BBS9: variants seen among roughly 807,000 people sequenced by gnomAD.
BBS9 encodes Bardet-Biedl syndrome 9, also known as protein PTHB1.
A neutral mutation model predicts 117.7 loss-of-function variants in BBS9; 89 were observed. The ratio of observed to expected loss-of-function variants is 0.76; its 90% confidence interval spans 0.64 to 0.90. The LOEUF (loss-of-function observed/expected upper bound fraction) is 0.90, where lower values mean the gene tolerates loss of function less well. Ranked by LOEUF, BBS9 falls within the 40% of genes least tolerant of loss-of-function variation. The pLI, the probability that BBS9 is intolerant of heterozygous loss-of-function variation, is 0.00. For synonymous variants in BBS9, 379 were observed against 370.9 expected (o/e 1.02, Z -0.25); for missense variants, 982 against 1,042.2 (o/e 0.94, Z 0.80).
At chr7:33,393,605 A>G (rs1443178508) in intron 19 of BBS9, among the ~76,000 whole-genome samples, 2 of 152,166 alleles carry the variant, frequency 1.3e-5, no homozygotes, top group African/African-American at 4.8e-5. Flanking sequence ...GAACAGCCTT[A>G]TTACCCCTAC....
chr7:33,395,229 A>C (rs536900158), intron 19 of BBS9, among the ~76,000 whole-genome samples: 68 of 152,290 alleles, frequency 4.5e-4, no homozygotes, highest in Middle Eastern at 6.8e-3. Context: ...GTATCAGAGG[A>C]CTTTTTTTGG....
chr7:33,381,091 T>C (rs1050019488), intron 17 of BBS9, among the ~76,000 whole-genome samples: 1 of 152,196 alleles, frequency 6.6e-6, no homozygotes, highest in African/African-American at 2.4e-5. Context: ...AATGGCAGTT[T>C]TTCCTGAGGC....
chr7:33,579,236 C>G (rs1483017799), intron 21 of BBS9, among the ~76,000 whole-genome samples: 2 of 152,162 alleles, frequency 1.3e-5, no homozygotes, highest in African/African-American at 4.8e-5. Flanking sequence ...AAAAGACAAA[C>G]CACTTCATCC....
At chr7:33,483,638 A>AT (rs5883404) in intron 19 of BBS9, among the ~76,000 whole-genome samples, 80,979 of 148,502 alleles carry the variant, frequency 0.55, 22,841 homozygotes, top group African/African-American at 0.72. Context: ...ATCTCAACAG[A>AT]TTTTTTTTTT....
chr7:33,486,987 A>G (rs906082213), intron 19 of BBS9, among the ~76,000 whole-genome samples: 9 of 152,218 alleles, frequency 5.9e-5, no homozygotes, highest in African/African-American at 1.9e-4. Context: ...GTATCTTCGT[A>G]ATTTGTATGT....
intron 13 of BBS9, among the ~76,000 whole-genome samples, chr7:33,350,108 T>A (rs1818345544): frequency 6.6e-6 from 1 of 152,244 alleles, no homozygotes; most frequent in South Asian, 2.1e-4. Context: ...TATATCCAAA[T>A]TGTCATTAGT....
Position 33,605,491 on chromosome 7 carries a change from G to C in BBS9, c.*265G>C. On this transcript the variant is annotated 3_prime_UTR_variant, in exon 23 of 23. Transcript: ENST00000242067. Reference sequence around the variant, plus strand: ...GGTCATCCATCTGCTAATAGTCACAGAATACAGTGAAATGACATAGTTTTG... The same window carrying C: ...GGTCATCCATCTGCTAATAGTCACACAATACAGTGAAATGACATAGTTTTG... 1 of 513,258 alleles carries C rather than the reference G, an allele frequency of 1.9e-6. No individual in the cohort carries two copies. The allele number at this position is 513,258 out of a possible 1,614,324, so 31.8% of individuals were successfully genotyped here.
chr7:33,237,293 C>T (rs557210210), intron 5 of BBS9, among the ~76,000 whole-genome samples: 7 of 152,290 alleles, frequency 4.6e-5, no homozygotes, highest in South Asian at 2.1e-4. Context: ...TTCAGTTACA[C>T]GGACATCTTT....
intron 16 of BBS9, among the ~76,000 whole-genome samples, chr7:33,367,409 G>T (rs921297885): frequency 6.6e-6 from 1 of 152,094 alleles, no homozygotes; most frequent in African/African-American, 2.4e-5. Context: ...GCCAGTAGTA[G>T]TCTCTTTAAG....
At chr7:33,353,054 A>G (rs1818965493) in intron 15 of BBS9, among the ~76,000 whole-genome samples, 181 bp downstream of exon 15, 1 of 152,084 alleles carries the variant, frequency 6.6e-6, no homozygotes, top group Admixed American at 6.6e-5. Context: ...TTCCACAGAG[A>G]CTTGTCATTA....
At chr7:33,236,695 G>A (rs1788723667) in intron 5 of BBS9, among the ~76,000 whole-genome samples, 1 of 151,898 alleles carries the variant, frequency 6.6e-6, no homozygotes, top group African/African-American at 2.4e-5. Context: ...GTAATATTTT[G>A]ATCTATGTAT....
At chr7:33,377,759 C>T (rs1423511584) in intron 17 of BBS9, among the ~76,000 whole-genome samples, 1 of 151,900 alleles carries the variant, frequency 6.6e-6, no homozygotes, top group Non-Finnish European at 1.5e-5. Flanking sequence ...AATTATATTT[C>T]TAGATATTTT....
intron 20 of BBS9, among the ~76,000 whole-genome samples, chr7:33,512,511 A>G (rs1847111578): frequency 6.6e-6 from 1 of 152,228 alleles, no homozygotes; most frequent in African/African-American, 2.4e-5. Flanking sequence ...TGAATAAGGT[A>G]ATAATTAAAT....
chr7:33,466,078 A>G (rs1354465492), intron 19 of BBS9, among the ~76,000 whole-genome samples: 1 of 152,098 alleles, frequency 6.6e-6, no homozygotes, highest in Non-Finnish European at 1.5e-5. Context: ...ATATATATAT[A>G]TACACACATT....
chr7:33,150,042 A>G (rs1793057619), intron 2 of BBS9, among the ~76,000 whole-genome samples: 1 of 152,190 alleles, frequency 6.6e-6, no homozygotes, highest in South Asian at 2.1e-4. Flanking sequence ...ACTCCATTAT[A>G]ACAGTATAAT....
chr7:33,588,264 C>T (rs1861288532), intron 21 of BBS9, among the ~76,000 whole-genome samples: 1 of 152,030 alleles, frequency 6.6e-6, no homozygotes, highest in South Asian at 2.1e-4. Flanking sequence ...TTTTGAGAAC[C>T]TTTTTTGGTT....
At chr7:33,279,571 A>G (rs79394847) in intron 9 of BBS9, among the ~76,000 whole-genome samples, 2 of 152,286 alleles carry the variant, frequency 1.3e-5, no homozygotes, top group African/African-American at 4.8e-5. Context: ...GATCAAGTTG[A>G]TGCAATTATA....
At chr7:33,183,172 G>A (rs544280766) in intron 5 of BBS9, among the ~76,000 whole-genome samples, 1 of 152,228 alleles carries the variant, frequency 6.6e-6, no homozygotes, top group East Asian at 1.9e-4. Flanking sequence ...AATTCTTAGG[G>A]TTCCACGAGG....
At chr7:33,576,355 T>C (rs1247984743) in intron 21 of BBS9, among the ~76,000 whole-genome samples, 1 of 152,106 alleles carries the variant, frequency 6.6e-6, no homozygotes, top group Admixed American at 6.5e-5. Flanking sequence ...ACAAGAGATG[T>C]GAAGGACCTC....
Sources: allele counts gnomAD v4.1 joint callset (sites outside exome capture counted in the v4.1 genomes callset), GRCh38; gene constraint gnomAD v4.1.1; transcripts MANE v1.5; gene names NCBI Gene and HGNC (gene_info 2026-07-23, HGNC 2026-07-21).